The following SEMA6D variants were observed in gnomAD, a reference collection of about 807,000 sequenced individuals.
SEMA6D encodes semaphorin-6D.
Under a neutral mutation model 106.6 loss-of-function variants are expected in SEMA6D, and 35 were observed. That is an observed-to-expected ratio of 0.33 (90% CI 0.25 to 0.44). The LOEUF (loss-of-function observed/expected upper bound fraction) is 0.44. Among genes scored for constraint, SEMA6D ranks in the 20% least tolerant of loss-of-function variants. The probability of loss-of-function intolerance (pLI) is 1.00; values close to 1 mark genes in which losing one functional copy is unlikely to be tolerated. For missense variants in SEMA6D, 1,185 were observed against 1,345.9 expected (o/e 0.88, Z 1.87); for synonymous variants, 499 against 487.7 (o/e 1.02, Z -0.31).
At chr15:47,593,550 A>G (rs1331925667) in intron 3 of SEMA6D, among the ~76,000 whole-genome samples, 1 of 152,042 alleles carries the variant, frequency 6.6e-6, no homozygotes, top group Admixed American at 6.5e-5. Flanking sequence ...GAAAAAAAAA[A>G]GCTTCAAACA....
intron 3 of SEMA6D, among the ~76,000 whole-genome samples, chr15:47,545,778 A>G (rs988730666): frequency 2.0e-5 from 3 of 152,162 alleles, no homozygotes; most frequent in Non-Finnish European, 4.4e-5. Context: ...AAGCCCTGGA[A>G]TGAACATCTG....
chr15:47,270,363 C>T (rs1400346552), intron 1 of SEMA6D, among the ~76,000 whole-genome samples: 1 of 151,662 alleles, frequency 6.6e-6, no homozygotes, highest in Non-Finnish European at 1.5e-5. Flanking sequence ...CTAGTAATTG[C>T]TTTATAAATT....
intron 13 of SEMA6D, chr15:47,765,475 A>G: frequency 1.0e-6 from 1 of 969,226 alleles, no homozygotes; most frequent in African/African-American, 1.8e-5. Context: ...GAATATTTAG[A>G]CCATTAAAAA....
intron 1 of SEMA6D, among the ~76,000 whole-genome samples, chr15:47,279,739 G>T (rs2142475469): frequency 6.6e-6 from 1 of 152,110 alleles, no homozygotes; most frequent in Non-Finnish European, 1.5e-5. Flanking sequence ...AGCATGAAGG[G>T]TTGTTGAATT....
intron 3 of SEMA6D, among the ~76,000 whole-genome samples, chr15:47,486,702 A>T (rs888850763): frequency 7.2e-5 from 11 of 152,236 alleles, no homozygotes; most frequent in Admixed American, 7.2e-4. Flanking sequence ...TGACCTTAGG[A>T]AAGTCTTTGT....
At chr15:47,200,241 A>G (rs1894634743) in intron 1 of SEMA6D, among the ~76,000 whole-genome samples, 1 of 152,116 alleles carries the variant, frequency 6.6e-6, no homozygotes, top group Non-Finnish European at 1.5e-5. Flanking sequence ...TGCTTCCTCA[A>G]TCTGTGAGTA....
intron 3 of SEMA6D, among the ~76,000 whole-genome samples, chr15:47,471,767 G>A (rs111266292): frequency 0.016 from 2,368 of 152,254 alleles, 46 homozygotes; most frequent in African/African-American, 0.036. Context: ...GTCTTCCTGG[G>A]AAGAGAGCGA....
chr15:47,761,069 C>T (rs2082036054), intron 4 of SEMA6D, 31 bp downstream of exon 4: 7 of 1,611,806 alleles, frequency 4.3e-6, no homozygotes, highest in Non-Finnish European at 5.9e-6. Context: ...AATTTATTTA[C>T]CTTCCCTCTG....
intron 4 of SEMA6D, among the ~76,000 whole-genome samples, chr15:47,633,349 TC>T (rs2077325562): frequency 6.6e-6 from 1 of 152,172 alleles, no homozygotes; most frequent in South Asian, 2.1e-4. Context: ...TTTTCCTTTG[TC>T]TGAGAATGTC....
chr15:47,702,194 T>G (rs1463175091), intron 4 of SEMA6D, among the ~76,000 whole-genome samples: 1 of 152,066 alleles, frequency 6.6e-6, no homozygotes, highest in Non-Finnish European at 1.5e-5. Context: ...TCCTTGCCCC[T>G]CAGAAAAATG....
intron 15 of SEMA6D, 93 bp downstream of exon 15, chr15:47,766,275 T>TTA: frequency 8.9e-7 from 1 of 1,117,912 alleles, no homozygotes. Flanking sequence ...TATACTACTT[T>TTA]TCTTTTTTTT....
At chr15:47,224,354 G>A (rs1259664777) in intron 1 of SEMA6D, among the ~76,000 whole-genome samples, 1 of 151,858 alleles carries the variant, frequency 6.6e-6, no homozygotes, top group Non-Finnish European at 1.5e-5. Context: ...CTGTGCTATG[G>A]ACGTAATCAT....
intron 4 of SEMA6D, among the ~76,000 whole-genome samples, chr15:47,661,436 C>T (rs1265842038): frequency 6.6e-6 from 1 of 152,152 alleles, no homozygotes; most frequent in Non-Finnish European, 1.5e-5. Flanking sequence ...GATACCTTGG[C>T]ACTGCTCTGC....
At chr15:47,345,252 T>A (rs2037998440) in intron 1 of SEMA6D, among the ~76,000 whole-genome samples, 1 of 150,364 alleles carries the variant, frequency 6.7e-6, no homozygotes, top group Non-Finnish European at 1.5e-5. Flanking sequence ...AAAAATGATC[T>A]AAAATGATAA....
In SEMA6D at chr15:47,624,563, C is replaced by G. The variant is rs373714930; in HGVS notation, c.-55+23667C>G. ...AAAGATTAGAAAATGATTTCATCAA[C>G]AAAGCTGAAATGTAATATGGCAAAT... On this transcript the variant is annotated intron_variant, in intron 4 of 19. Transcript: ENST00000558014. Among the ~76,000 whole-genome samples the G allele has an allele frequency of 5.4e-4, 82 of 152,220 alleles. 2 individuals are homozygous for G. The highest frequency in any genetic ancestry group is 1.9e-3 in the African/African-American group (79 of 41,550).
intron 3 of SEMA6D, among the ~76,000 whole-genome samples, chr15:47,565,114 C>G (rs2046191901): frequency 6.6e-6 from 1 of 152,162 alleles, no homozygotes; most frequent in African/African-American, 2.4e-5. Flanking sequence ...AGTACAGATA[C>G]AGAAGGGCCC....
intron 4 of SEMA6D, among the ~76,000 whole-genome samples, chr15:47,667,719 AGT>A (rs2078055280): frequency 6.6e-6 from 1 of 152,152 alleles, no homozygotes. Context: ...GGAGCTCACC[AGT>A]GTCTCTTTTA....
chr15:47,646,024 C>T (rs1456144489), intron 4 of SEMA6D, among the ~76,000 whole-genome samples: 1 of 152,130 alleles, frequency 6.6e-6, no homozygotes, highest in East Asian at 1.9e-4. Context: ...TCTCCTACCC[C>T]ATCTTTCTGG....
intron 2 of SEMA6D, among the ~76,000 whole-genome samples, chr15:47,455,785 G>A (rs2042328596): frequency 1.3e-5 from 2 of 152,038 alleles, no homozygotes; most frequent in Non-Finnish European, 2.9e-5. Context: ...TGAATTTAAT[G>A]AAGATTAAGT....
Sources: gnomAD v4.1 joint callset for allele counts (sites outside exome capture counted in the v4.1 genomes callset) on GRCh38, gnomAD v4.1.1 for gene constraint, MANE v1.5 for transcripts, NCBI Gene and HGNC (gene_info 2026-07-23, HGNC 2026-07-21) for gene names.